SLC71A1: variants seen among roughly 807,000 people sequenced by gnomAD.
SLC71A1 encodes hippocampus abundant gene transcript 1.
the SLC71A1 span, chr1:100,080,732 G>GA: frequency 7.5e-7 from 1 of 1,325,650 alleles, no homozygotes; most frequent in Non-Finnish European, 1.0e-6. Context: ...TTTTGGTCAT[G>GA]AAAGCTTTTA....
chr1:100,049,870 A>T, the SLC71A1 span: 2,208 of 1,029,616 alleles, frequency 2.1e-3, 33 homozygotes, highest in African/African-American at 0.032. Flanking sequence ...ATGTACTGTT[A>T]ACTTTTTTTA....
the SLC71A1 span, chr1:100,069,796 A>G: frequency 1.4e-6 from 1 of 722,626 alleles, no homozygotes; most frequent in Non-Finnish European, 2.5e-6. Flanking sequence ...CAGGAGTCTG[A>G]GGTTGATAGG....
the SLC71A1 span, chr1:100,067,953 C>CT: frequency 4.4e-6 from 7 of 1,601,110 alleles, no homozygotes; most frequent in Non-Finnish European, 5.1e-6. Flanking sequence ...TGACTAATCT[C>CT]TGTCTATCCT....
At chr1:100,055,816 G>A in the SLC71A1 span, among the ~76,000 whole-genome samples, 1 of 152,012 alleles carries the variant, frequency 6.6e-6, no homozygotes, top group African/African-American at 2.4e-5. Flanking sequence ...GCAGTGGCGC[G>A]ATCTCAGCTT....
At chr1:100,079,282 A>G in the SLC71A1 span, 1 of 141,702 alleles carries the variant, frequency 7.1e-6, no homozygotes, top group Admixed American at 7.1e-5. Context: ...CATCTCTAAT[A>G]AAAAAAAAAA....
At chr1:100,077,812 T>C in the SLC71A1 span, among the ~76,000 whole-genome samples, 4 of 152,312 alleles carry the variant, frequency 2.6e-5, no homozygotes, top group South Asian at 2.1e-4. Context: ...GATAGTATTA[T>C]TGTGCTCAGG....
At chr1:100,060,166 T>TA in the SLC71A1 span, among the ~76,000 whole-genome samples, 1 of 152,208 alleles carries the variant, frequency 6.6e-6, no homozygotes, top group Non-Finnish European at 1.5e-5. Context: ...CCTCTAAAAA[T>TA]ACAGTAGGTA....
At chr1:100,042,659 G>T in the SLC71A1 span, among the ~76,000 whole-genome samples, 1 of 151,782 alleles carries the variant, frequency 6.6e-6, no homozygotes, top group African/African-American at 2.4e-5. Context: ...TCAGGCTGGG[G>T]TGCAATGGCG....
chr1:100,058,822 C>T, the SLC71A1 span: 15 of 608,124 alleles, frequency 2.5e-5, no homozygotes, highest in Middle Eastern at 3.2e-4. Context: ...TATAACTATG[C>T]GAATATATGT....
chr1:100,056,152 T>C, the SLC71A1 span, among the ~76,000 whole-genome samples: 1 of 152,224 alleles, frequency 6.6e-6, no homozygotes, highest in Non-Finnish European at 1.5e-5. Context: ...TTGTGCCCAC[T>C]AACCATCCTC....
chr1:100,042,639 C>T, the SLC71A1 span, among the ~76,000 whole-genome samples: 2 of 151,046 alleles, frequency 1.3e-5, no homozygotes, highest in African/African-American at 2.4e-5. Flanking sequence ...CAGAGTTTTG[C>T]TCTTGTTGCT....
the SLC71A1 span, among the ~76,000 whole-genome samples, chr1:100,059,176 C>A: frequency 5.6e-5 from 4 of 71,214 alleles, no homozygotes; most frequent in Admixed American, 1.9e-4. Context: ...TTTTTTGAGA[C>A]AGAGTCTTGC....
At chr1:100,058,816 A>C in the SLC71A1 span, 1 of 667,240 alleles carries the variant, frequency 1.5e-6, no homozygotes, top group Non-Finnish European at 2.6e-6. Context: ...CATATATATA[A>C]CTATGCGAAT....
chr1:100,059,151 T>G, the SLC71A1 span, among the ~76,000 whole-genome samples: 9 of 116,518 alleles, frequency 7.7e-5, no homozygotes, highest in African/African-American at 3.0e-4. Context: ...CGTGTTTTTT[T>G]TTTTTTTTTT....
chr1:100,046,212 GTTTTTTTTTTTTT>G, the SLC71A1 span, among the ~76,000 whole-genome samples: 13 of 54,118 alleles, frequency 2.4e-4, no homozygotes, highest in South Asian at 2.4e-3. Context: ...TCCAAGCCTC[GTTTTTTTTTTTTT>G]TTTTTTTTTT....
At chr1:100,067,749 A>G in the SLC71A1 span, among the ~76,000 whole-genome samples, 1 of 152,066 alleles carries the variant, frequency 6.6e-6, no homozygotes, top group African/African-American at 2.4e-5. Context: ...GGTCAAGACT[A>G]CAGTGAGCCG....
At chr1:100,073,136 A>G in the SLC71A1 span, among the ~76,000 whole-genome samples, 1 of 152,086 alleles carries the variant, frequency 6.6e-6, no homozygotes, top group Non-Finnish European at 1.5e-5. Flanking sequence ...CAGCCCATCA[A>G]ATGATACTTC....
chr1:100,062,159 T>A, the SLC71A1 span: 1 of 442,216 alleles, frequency 2.3e-6, no homozygotes, highest in Non-Finnish European at 4.0e-6. Flanking sequence ...TAGATATTCA[T>A]AAGTCACATG....
the SLC71A1 span, among the ~76,000 whole-genome samples, chr1:100,055,109 A>G: frequency 3.3e-5 from 5 of 152,382 alleles, no homozygotes; most frequent in African/African-American, 1.2e-4. Flanking sequence ...AAGATCTAGC[A>G]TAGTATAAAA....
Sources: gnomAD v4.1 joint callset for allele counts (sites outside exome capture counted in the v4.1 genomes callset) on GRCh38, gnomAD v4.1.1 for gene constraint, MANE v1.5 for transcripts, NCBI Gene and HGNC (gene_info 2026-07-23, HGNC 2026-07-21) for gene names.